DOK5: variants seen among roughly 807,000 people sequenced by gnomAD.
The protein encoded by DOK5 is downstream of tyrosine kinase 5.
Under a neutral mutation model 43.3 loss-of-function variants are expected in DOK5, and 27 were observed. That is an observed-to-expected ratio of 0.62 (90% CI 0.46 to 0.86). The LOEUF (loss-of-function observed/expected upper bound fraction) is 0.86. DOK5 is among the 40% of genes least tolerant of loss of function. DOK5 has a pLI of 0.00. For synonymous variants in DOK5, 146 were observed against 140.1 expected, an observed-to-expected ratio of 1.04 and a Z score of -0.30; for missense variants, 373 against 392.9, an observed-to-expected ratio of 0.95 and a Z score of 0.43.
chr20:54,579,326 T>C (rs569755022), intron 2 of DOK5, among the ~76,000 whole-genome samples: 20 of 151,920 alleles, frequency 1.3e-4, no homozygotes, highest in Admixed American at 1.0e-3. Flanking sequence ...AAATTCTGAG[T>C]ATCTTTTGCT....
chr20:54,530,718 G>T (rs1459712668), intron 1 of DOK5, among the ~76,000 whole-genome samples: 2 of 152,092 alleles, frequency 1.3e-5, no homozygotes, highest in East Asian at 1.9e-4. Context: ...CCATGTGCAC[G>T]TTAATAAATT....
intron 5 of DOK5, among the ~76,000 whole-genome samples, chr20:54,605,108 TAC>T (rs11471905): frequency 8.1e-5 from 12 of 148,940 alleles, no homozygotes; most frequent in Admixed American, 1.3e-4. Context: ...CCATATATTC[TAC>T]ACACACACAC....
At chr20:54,520,052 T>C (rs1983338444) in intron 1 of DOK5, among the ~76,000 whole-genome samples, 1 of 152,182 alleles carries the variant, frequency 6.6e-6, no homozygotes, top group Non-Finnish European at 1.5e-5. Flanking sequence ...TTTGAACTCT[T>C]GTTGCAATGC....
chr20:54,533,839 TAGG>T (rs1020713860), intron 1 of DOK5, among the ~76,000 whole-genome samples: 2 of 152,200 alleles, frequency 1.3e-5, no homozygotes, highest in Admixed American at 1.3e-4. Flanking sequence ...CTGCTTTTTC[TAGG>T]AGGACAATTA....
chr20:54,592,517 C>T (rs371088332), intron 5 of DOK5, among the ~76,000 whole-genome samples: 160 of 151,690 alleles, frequency 1.1e-3, no homozygotes, highest in Non-Finnish European at 1.1e-3. Context: ...AGAATTTAGG[C>T]TTCGTTTGGG....
chr20:54,613,989 A>G (rs1986728553), intron 6 of DOK5, among the ~76,000 whole-genome samples: 3 of 150,742 alleles, frequency 2.0e-5, no homozygotes, highest in Admixed American at 2.0e-4. Context: ...GGGAGACCCC[A>G]TCTCTAATAT....
At chr20:54,599,226 T>C (rs1986236303) in intron 5 of DOK5, among the ~76,000 whole-genome samples, 1 of 152,228 alleles carries the variant, frequency 6.6e-6, no homozygotes, top group Admixed American at 6.5e-5. Flanking sequence ...AGAATACAAA[T>C]GTGCTGGATC....
chr20:54,533,749 A>G (rs1310189015), intron 1 of DOK5, among the ~76,000 whole-genome samples: 1 of 152,130 alleles, frequency 6.6e-6, no homozygotes, highest in African/African-American at 2.4e-5. Flanking sequence ...ACCTCTCTTA[A>G]TATTAAATTT....
At chr20:54,582,487 G>T (rs1717431579) in intron 2 of DOK5, among the ~76,000 whole-genome samples, 1 of 151,170 alleles carries the variant, frequency 6.6e-6, no homozygotes. Flanking sequence ...TTCCAACAAA[G>T]AAATACACAA....
chr20:54,631,739 C>T (rs1246694907), intron 6 of DOK5, among the ~76,000 whole-genome samples: 3 of 152,142 alleles, frequency 2.0e-5, no homozygotes, highest in East Asian at 3.9e-4. Context: ...TTTGGGAGGC[C>T]GAGGTGGGCG....
At chr20:54,515,797 C>T (rs1226954792) in intron 1 of DOK5, among the ~76,000 whole-genome samples, 2 of 152,164 alleles carry the variant, frequency 1.3e-5, no homozygotes, top group East Asian at 3.9e-4. Context: ...TTTGTACCTC[C>T]TGGGGAGATG....
intron 6 of DOK5, among the ~76,000 whole-genome samples, chr20:54,617,721 C>T (rs1451855437): frequency 6.6e-6 from 1 of 152,226 alleles, no homozygotes; most frequent in Non-Finnish European, 1.5e-5. Context: ...CATGGGGCCA[C>T]CTCAGTGTCT....
intron 2 of DOK5, among the ~76,000 whole-genome samples, chr20:54,555,776 T>C (rs1984690707): frequency 6.6e-6 from 1 of 152,266 alleles, no homozygotes; most frequent in African/African-American, 2.4e-5. Context: ...GAACTATGCT[T>C]ATTTTTATGA....
At chr20:54,641,585 A>G (rs1211922478) in intron 6 of DOK5, among the ~76,000 whole-genome samples, 2 of 143,592 alleles carry the variant, frequency 1.4e-5, no homozygotes, top group Non-Finnish European at 1.5e-5. Context: ...CATCATCTCC[A>G]TCTCCATTTT....
At chr20:54,584,528 T>G (rs1360823505) in intron 2 of DOK5, among the ~76,000 whole-genome samples, 1 of 151,534 alleles carries the variant, frequency 6.6e-6, no homozygotes, top group Non-Finnish European at 1.5e-5. Flanking sequence ...AATTTTATAG[T>G]TTTTATACTT....
chr20:54,528,823 T>C (rs1385133313), intron 1 of DOK5, among the ~76,000 whole-genome samples: 5 of 152,124 alleles, frequency 3.3e-5, no homozygotes, highest in South Asian at 4.1e-4. Flanking sequence ...TATACTTTTG[T>C]ACTGTTGTAT....
intron 1 of DOK5, among the ~76,000 whole-genome samples, chr20:54,485,678 G>A (rs1375093375): frequency 1.3e-5 from 2 of 152,232 alleles, no homozygotes; most frequent in Non-Finnish European, 2.9e-5. Flanking sequence ...AAATGTCCAG[G>A]AGTGCAATTG....
chr20:54,490,743 C>T (rs1982137953), intron 1 of DOK5, among the ~76,000 whole-genome samples: 1 of 152,198 alleles, frequency 6.6e-6, no homozygotes, highest in Non-Finnish European at 1.5e-5. Context: ...GCGCATGCCA[C>T]CACGCCCAGC....
At chr20:54,631,195 T>C (rs1257030052) in intron 6 of DOK5, among the ~76,000 whole-genome samples, 1 of 152,178 alleles carries the variant, frequency 6.6e-6, no homozygotes. Flanking sequence ...ATACATTATG[T>C]ATGTGCCTTT....
Sources: gnomAD v4.1 joint callset for allele counts (sites outside exome capture counted in the v4.1 genomes callset) on GRCh38, gnomAD v4.1.1 for gene constraint, MANE v1.5 for transcripts, NCBI Gene and HGNC (gene_info 2026-07-23, HGNC 2026-07-21) for gene names.